CYP2A6: variants seen among roughly 807,000 people sequenced by gnomAD.
CYP2A6 encodes cytochrome P450 2A6.
A neutral mutation model predicts 42.3 loss-of-function variants in CYP2A6; 27 were observed. That is an observed-to-expected ratio of 0.64 (90% CI 0.47 to 0.88). The LOEUF (loss-of-function observed/expected upper bound fraction) is 0.88, where lower values mean the gene tolerates loss of function less well. CYP2A6 is among the 40% of genes least tolerant of loss of function. The pLI, the probability that CYP2A6 is intolerant of heterozygous loss-of-function variation, is 0.00. For missense variants in CYP2A6, 628 were observed against 646.0 expected, an observed-to-expected ratio of 0.97 and a Z score of 0.30; for synonymous variants, 238 against 246.3, an observed-to-expected ratio of 0.97 and a Z score of 0.31.
chr19:40,847,156 C>T (rs1967116121), intron 4 of CYP2A6, 105 bp from the exon 5 acceptor site: 1 of 1,483,776 alleles, frequency 6.7e-7, no homozygotes. Flanking sequence ...GAGTTAAAGG[C>T]ATCTGTCTCG....
At chr19:40,848,988 GA>G (rs1967160185) in intron 2 of CYP2A6, among the ~76,000 whole-genome samples, 1 of 86,210 alleles carries the variant, frequency 1.2e-5, no homozygotes, top group Non-Finnish European at 2.2e-5. Context: ...AGAGAGAGAG[GA>G]GAGAGAGAGA....
Position 40,849,866 on chromosome 19 carries a change from T to C in CYP2A6, c.295A>G (p.Ser99Gly), listed in dbSNP as rs749005083. ...EALVDQAEEF[S>G]GRGEQATFDW... is the part of the protein sequence containing the mutation. ...AAGGTGGCTTGCTCGCCTCGCCCGC[T>C]GAACTCCTCAGCCTGGTCCACCAGA... Residue 99 changes from serine to glycine, a missense_variant, in exon 2 of 9, where the codon AGC (serine) becomes GGC (glycine). Coordinates refer to ENST00000301141, the MANE Select transcript of CYP2A6 (RefSeq NM_000762.6). 1 of 1,611,472 alleles carries C rather than the reference T, an allele frequency of 6.2e-7. No homozygotes were observed. Among genetic ancestry groups the C allele is most frequent in the South Asian group, 1.1e-5 (1 of 90,904 alleles).
Position 40,844,708 on chromosome 19 carries a change from T to C in CYP2A6, c.1226A>G (p.Gln409Arg), listed in dbSNP as rs59505316. Residue 409 changes from glutamine to arginine, a missense_variant, in exon 8 of 9, where the codon CAG (glutamine) becomes CGG (arginine). Gln to Arg is a conservative substitution (Grantham distance 43). Coordinates refer to ENST00000301141, the MANE Select transcript of CYP2A6 (RefSeq NM_000762.6). Reference protein sequence around the residue: ...LRDPSFFSNPQDFNPQHFLNE... With the variant: ...LRDPSFFSNPRDFNPQHFLNE... ...CAGGAAGTGCTGGGGATTGAAGTCC[T>C]GGGGGTTGGAGAAGAAACTGGGGTC... 71 of 1,611,502 alleles carry C rather than the reference T, an allele frequency of 4.4e-5. 1 individual carries two copies. Among genetic ancestry groups the C allele is most frequent in the East Asian group, 3.5e-4 (15 of 43,402 alleles).
At chr19:40,847,557 G>A (rs1160808044) in intron 4 of CYP2A6, among the ~76,000 whole-genome samples, 1 of 151,572 alleles carries the variant, frequency 6.6e-6, no homozygotes, top group African/African-American at 2.4e-5. Context: ...GGGGATACCT[G>A]TTGAGGTGTT....
Position 40,844,774 on chromosome 19 carries a change from T to A in CYP2A6, c.1162-2A>T. On this transcript the variant is annotated splice_acceptor_variant, in intron 7 of 8. Transcript: ENST00000301141. LOFTEE classifies it high-confidence loss of function. ...CAGCATAGGGTACACTTCGGTGCCC[T>A]GGTAGGGAGGAGGAAGTTGTGTGTG... 6.2e-7 allele frequency: 1 copy of A among 1,609,162 alleles called. No individual in the cohort carries two copies. Among genetic ancestry groups the A allele is most frequent in the African/African-American group, 1.3e-5 (1 of 74,486 alleles).
rs757324688 is a variant in CYP2A6, at chr19:40,846,883, T to G, written c.823A>C (p.Met275Leu). ...RDFIDSFLIRMQEEEKNPNTE... is the reference protein window; with the variant it reads ...RDFIDSFLIRLQEEEKNPNTE... Reference sequence around the variant, plus strand: ...TGGCTGCTGGGGTGTACCTCCTGCATGCGGATGAGAAAGGAGTCAATGAAG... The same window carrying G: ...TGGCTGCTGGGGTGTACCTCCTGCAGGCGGATGAGAAAGGAGTCAATGAAG... The change falls in exon 5 of 9, where the codon ATG becomes CTG. Residue 275 changes from methionine to leucine, a missense_variant. Around this residue, in one of 2 missense-constraint regions of CYP2A6, gnomAD observed 606 missense variants for 568.1 expected, o/e 1.07. Transcript: ENST00000301141. 2 of 1,611,886 alleles carry G rather than the reference T, an allele frequency of 1.2e-6. No individual in the cohort carries two copies. The highest frequency in any genetic ancestry group is 1.7e-6 in the Non-Finnish European group (2 of 1,179,906).
intron 4 of CYP2A6, among the ~76,000 whole-genome samples, chr19:40,847,465 A>G (rs1046396393): frequency 6.6e-5 from 10 of 151,428 alleles, no homozygotes; most frequent in Non-Finnish European, 1.3e-4. Context: ...ACAGCTGTCC[A>G]GATACTTACT....
At chr19:40,848,552 G>T in intron 3 of CYP2A6, 62 bp downstream of exon 3, 3 of 1,594,910 alleles carry the variant, frequency 1.9e-6, no homozygotes, top group Middle Eastern at 3.5e-4. Context: ...CAGAACGCGC[G>T]CGGGTTCCTC....
In CYP2A6 at chr19:40,847,032, G is replaced by A. The variant is rs1465959396; in HGVS notation, c.674C>T (p.Ser225Leu). The change falls in exon 5 of 9, where the codon TCG becomes TTG. Residue 225 changes from serine (S) to leucine (L), a missense_variant. Ser to Leu is a moderately radical substitution (Grantham distance 145). Transcript: ENST00000301141. ...TGGTCCTGGCAGGTGTTTCATCACC[G>A]AAGAGAACATCTCATAGAGCTGGGG... The part of the protein sequence containing the change: ...STGQLYEMFS[S>L]VMKHLPGPQQ... 5.0e-6 allele frequency: 8 copies of A among 1,611,700 alleles called. No homozygotes were observed. The highest frequency in any genetic ancestry group is 4.6e-5 in the East Asian group (2 of 43,424).
chr19:40,846,716 C>T (rs1313818196), intron 5 of CYP2A6, among the ~76,000 whole-genome samples, 159 bp downstream of exon 5: 1 of 151,490 alleles, frequency 6.6e-6, no homozygotes, highest in Non-Finnish European at 1.5e-5. Flanking sequence ...TCCCAAAGTG[C>T]TGGGATTACA....
rs1599776606 is a variant in CYP2A6, at chr19:40,844,078, G to C, written c.1304-101C>G. 3 of 1,479,086 alleles carry C rather than the reference G, an allele frequency of 2.0e-6. No individual in the cohort carries two copies. In the East Asian group the frequency reaches 7.9e-5, roughly 39 times the overall value. 91.6% of individuals were successfully genotyped at this position (1,479,086 alleles called of 1,614,324 possible). A position where few individuals can be genotyped will look rare whatever the true frequency, so the allele number is the denominator to read the frequency against. On this transcript the variant is annotated intron_variant, in intron 8 of 8. Coordinates refer to ENST00000301141, the MANE Select transcript of CYP2A6 (RefSeq NM_000762.6). ...TGCGGCTCTCCCAGGGAGGAAGGGT[G>C]GAATATTATGGCCTGAGAGAGTTTC...
rs1967142056 is a variant in CYP2A6, at chr19:40,848,611, C to A, written c.493+3G>T. The stretch of plus-strand genomic sequence containing the variant: ...GCCCCCGCACTCGGGGTCCCCTGCT[C>A]ACCGCCAGTGCCCCGGAGGGCGTCG... On this transcript the variant is annotated splice_donor_region_variant and intron_variant, in intron 3 of 8. Transcript: ENST00000301141. 5 of 1,610,834 alleles carry A rather than the reference C, an allele frequency of 3.1e-6. No individual in the cohort carries two copies. The highest frequency in any genetic ancestry group is 3.3e-4 in the Middle Eastern group (2 of 6,076).
In CYP2A6 at chr19:40,850,336, C is replaced by T; in HGVS notation, c.91G>A (p.Gly31Arg). The T allele has an allele frequency of 6.2e-7, 1 of 1,610,096 alleles. No homozygotes were observed. Among genetic ancestry groups the T allele is most frequent in the Non-Finnish European group, 8.5e-7 (1 of 1,178,848 alleles). The change falls in exon 1 of 9, where the codon GGG becomes AGG. Residue 31 changes from glycine to arginine, a missense_variant. Physicochemically the swap from Gly to Arg is moderately radical, Grantham distance 125. This residue lies in a region of CYP2A6 where 606 missense variants were observed against 568.1 expected (regional missense o/e 1.07). Transcript: ENST00000301141. Reference sequence around the variant, plus strand: ...GGGGTGGGTCCCGGAGGCAGCTTCCCCTTGCTCTTCCTCTGCTGCCAAACA... The same window carrying T: ...GGGGTGGGTCCCGGAGGCAGCTTCCTCTTGCTCTTCCTCTGCTGCCAAACA... ...MSVWQQRKSK[G>R]KLPPGPTPLP...
chr19:40,843,865 G>C lies in CYP2A6; in HGVS notation c.1416C>G (p.Asp472Glu). 6.2e-7 allele frequency: 1 copy of C among 1,612,198 alleles called. No homozygotes were observed. Among genetic ancestry groups the C allele is most frequent in the Non-Finnish European group, 8.5e-7 (1 of 1,179,740 alleles). Residue 472 changes from aspartate (D) to glutamate (E), a missense_variant, in exon 9 of 9, where the codon GAC (aspartate) becomes GAG (glutamate). Transcript: ENST00000301141. ...LKSSQSPKDI[D>E]VSPKHVGFAT... Reference sequence around the variant, plus strand: ...CAAAGCCCACGTGTTTGGGGGACACGTCAATGTCCTTAGGTGACTGGGAGG... The same window carrying C: ...CAAAGCCCACGTGTTTGGGGGACACCTCAATGTCCTTAGGTGACTGGGAGG...
intron 6 of CYP2A6, 78 bp from the exon 7 acceptor site, chr19:40,845,559 G>A (rs2083452301): frequency 2.5e-6 from 4 of 1,579,310 alleles, no homozygotes; most frequent in African/African-American, 2.7e-5. Flanking sequence ...GGCAAAATGG[G>A]GTGGATGATA....
intron 6 of CYP2A6, 91 bp from the exon 7 acceptor site, chr19:40,845,572 G>C (rs1334213113): frequency 1.0e-5 from 16 of 1,557,884 alleles, no homozygotes; most frequent in Admixed American, 1.8e-5. Context: ...GGATGATATG[G>C]CTCCGCCTAT....
chr19:40,844,330 T>C (rs1417024091), intron 8 of CYP2A6, among the ~76,000 whole-genome samples: 2 of 150,676 alleles, frequency 1.3e-5, no homozygotes, highest in Non-Finnish European at 2.9e-5. Context: ...TGTCCTTTCC[T>C]GCCAGGTACA....
rs558825772 is a variant in CYP2A6, at chr19:40,845,137, G to C, written c.1161+157C>G. 4 of 883,026 alleles carry C rather than the reference G, an allele frequency of 4.5e-6. No homozygotes were observed. In the East Asian group the frequency reaches 1.1e-4, roughly 24 times the overall value. The allele number at this position is 883,026 out of a possible 1,614,324, so 54.7% of individuals were successfully genotyped here. A position where few individuals can be genotyped will look rare whatever the true frequency, so the allele number is the denominator to read the frequency against. On this transcript the variant is annotated intron_variant, in intron 7 of 8. Coordinates refer to ENST00000301141, the MANE Select transcript of CYP2A6 (RefSeq NM_000762.6). ...AGATGCAGGACTCAGGAGTGTCTAAGTGGAAAGGTGGAACGGATGTGGTGG... is the reference window on the plus strand; with the variant it reads ...AGATGCAGGACTCAGGAGTGTCTAACTGGAAAGGTGGAACGGATGTGGTGG...
Position 40,846,046 on chromosome 19 carries a change from T to G in CYP2A6, c.883A>C (p.Thr295Pro). 1 of 1,611,702 alleles carries G rather than the reference T, an allele frequency of 6.2e-7. No individual in the cohort carries two copies. The highest frequency in any genetic ancestry group is 8.5e-7 in the Non-Finnish European group (1 of 1,179,882). Residue 295 changes from threonine (T) to proline (P), a missense_variant, in exon 6 of 9, where the codon ACG becomes CCG. Coordinates refer to ENST00000301141, the MANE Select transcript of CYP2A6 (RefSeq NM_000762.6). ...GTGCCCCCAATGAAGAGGTTCAACGTGGTCATCACCAGGTTTTTCAAGTAG... is the reference window on the plus strand; with the variant it reads ...GTGCCCCCAATGAAGAGGTTCAACGGGGTCATCACCAGGTTTTTCAAGTAG... The part of the protein sequence containing the change: ...EFYLKNLVMT[T>P]LNLFIGGTET...
Sources: allele counts gnomAD v4.1 joint callset (sites outside exome capture counted in the v4.1 genomes callset), GRCh38; gene constraint gnomAD v4.1.1; regional missense constraint gnomAD v4.1.1; transcripts MANE v1.5; gene names NCBI Gene and HGNC (gene_info 2026-07-23, HGNC 2026-07-21).